The following ASXL3 variants were observed in gnomAD, a reference collection of about 807,000 sequenced individuals.
ASXL3 encodes ASXL transcriptional regulator 3, also known as putative Polycomb group protein ASXL3.
A neutral mutation model predicts 170.6 loss-of-function variants in ASXL3; 34 were observed. The observed-to-expected ratio is 0.20, with a 90% CI of 0.15 to 0.27. ASXL3 has a LOEUF of 0.27. Among genes scored for constraint, ASXL3 ranks in the 10% least tolerant of loss-of-function variants. The pLI is 1.00. For synonymous variants in ASXL3, 1,002 were observed against 989.1 expected, an observed-to-expected ratio of 1.01 and a Z score of -0.24; for missense variants, 2,592 against 2,695.3, an observed-to-expected ratio of 0.96 and a Z score of 0.85.
chr18:33,596,061 A>G (rs1028311842), intron 1 of ASXL3, among the ~76,000 whole-genome samples: 1 of 152,142 alleles, frequency 6.6e-6, no homozygotes, highest in Non-Finnish European at 1.5e-5. Context: ...TTACACACCT[A>G]CATGTGCTAG....
At chr18:33,606,289 CTTG>C (rs2065247627) in intron 1 of ASXL3, among the ~76,000 whole-genome samples, 1 of 151,914 alleles carries the variant, frequency 6.6e-6, no homozygotes, top group Non-Finnish European at 1.5e-5. Flanking sequence ...TTGCCATACC[CTTG>C]TTGTAGTGTG....
chr18:33,602,844 A>G (rs2065198897), intron 1 of ASXL3, among the ~76,000 whole-genome samples: 2 of 152,086 alleles, frequency 1.3e-5, no homozygotes, highest in African/African-American at 4.8e-5. Context: ...CAAATGAAAT[A>G]AAATATGTTG....
rs762337223 is a variant in ASXL3 at position 33,744,076 on chromosome 18, C to T, written c.4228C>T (p.His1410Tyr). Reference sequence around the variant, plus strand: ...AGCGGTCACAGACTCTCTGGTTGCACACCCGACCGTCGCAATGTTTACTGG... The same window carrying T: ...AGCGGTCACAGACTCTCTGGTTGCATACCCGACCGTCGCAATGTTTACTGG... ...SVAVTDSLVA[H>Y]PTVAMFTGNM... Residue 1410 changes from histidine (H) to tyrosine (Y), a missense_variant, in exon 12 of 12, where the codon CAC (histidine) becomes TAC (tyrosine). Physicochemically the swap from His to Tyr is moderately conservative, Grantham distance 83 (BLOSUM62 2). Coordinates refer to ENST00000269197, the MANE Select transcript of ASXL3 (RefSeq NM_030632.3). 5 of 1,613,910 alleles carry T rather than the reference C, an allele frequency of 3.1e-6. No homozygotes were observed. The highest frequency in any genetic ancestry group is 1.7e-5 in the Admixed American group (1 of 59,998).
At position 33,608,100 on chromosome 18, in the gene ASXL3, T is replaced by C. The variant is rs726148; in HGVS notation, c.137+424T>C. Among the ~76,000 whole-genome samples the C allele has an allele frequency of 9.1e-3, 1,391 of 152,088 alleles. 20 individuals carry two copies. Among genetic ancestry groups the C allele is most frequent in the African/African-American group, 0.032 (1,330 of 41,532 alleles). ...TGTGGTTGAAAATCTAGTCCTCTTA[T>C]ATTTAAGAACTCTACTTGGTGCATC... On this transcript the variant is annotated intron_variant, in intron 2 of 11. Coordinates refer to ENST00000269197, the MANE Select transcript of ASXL3 (RefSeq NM_030632.3).
Position 33,738,955 on chromosome 18 carries a change from T to G in ASXL3, c.1551T>G (p.Val517=). The G allele has an allele frequency of 6.2e-7, 1 of 1,613,742 alleles. No homozygotes were observed. The highest frequency in any genetic ancestry group is 8.5e-7 in the Non-Finnish European group (1 of 1,179,804). The part of the protein sequence containing the change: ...DVLETLPHIE[V]KIEGKSESPQ... ...TAGAAACTTTGCCTCATATTGAAGT[T>G]AAGATAGAAGGGAAGTCAGAATCAC... The change falls in exon 11 of 12, where the codon GTT becomes GTG. Residue 517 remains valine, a synonymous_variant. Coordinates refer to ENST00000269197, the MANE Select transcript of ASXL3 (RefSeq NM_030632.3).
At position 33,745,692 on chromosome 18, in the gene ASXL3, A is replaced by G; in HGVS notation, c.5844A>G (p.Leu1948=). Residue 1948 remains leucine (L), a synonymous_variant, in exon 12 of 12, where the codon TTA becomes TTG. Coordinates refer to ENST00000269197, the MANE Select transcript of ASXL3 (RefSeq NM_030632.3). ...GCCCCATTCCTACTGCAGCTCTGTT[A>G]CAGGCCTCTTCCAAGACCCCAGTGG... is the stretch of plus-strand genomic sequence containing the variant. ...ARGPIPTAAL[L]QASSKTPVGC... is the part of the protein sequence containing the mutation. The G allele has an allele frequency of 6.2e-7, 1 of 1,613,998 alleles. No individual in the cohort carries two copies.
rs541272846 is a variant in ASXL3 at position 33,746,239 on chromosome 18, C to G, written c.6391C>G (p.Gln2131Glu). Reference sequence around the variant, plus strand: ...CTCTTCCTATTTGCTTTCTGAGCCACAAAAGCCTTTTACCCAATTAGCTGC... The same window carrying G: ...CTCTTCCTATTTGCTTTCTGAGCCAGAAAAGCCTTTTACCCAATTAGCTGC... ...DFSSYLLSEP[Q>E]KPFTQLAAQK... Residue 2131 changes from glutamine (Q) to glutamate (E), a missense_variant, in exon 12 of 12, where the codon CAA becomes GAA. Gln to Glu is a conservative substitution (Grantham distance 29). Coordinates refer to ENST00000269197, the MANE Select transcript of ASXL3 (RefSeq NM_030632.3). The G allele has an allele frequency of 6.2e-7, 1 of 1,613,936 alleles. No homozygotes were observed. The highest frequency in any genetic ancestry group is 1.1e-5 in the South Asian group (1 of 91,076).
At chr18:33,686,231 G>GCAAGAATGGATCTTGTGGAGGATA (rs2066594682) in intron 8 of ASXL3, among the ~76,000 whole-genome samples, 1 of 152,144 alleles carries the variant, frequency 6.6e-6, no homozygotes, top group Non-Finnish European at 1.5e-5. Flanking sequence ...TGTACTATAC[G>GCAAGAATGGATCTTGTGGAGGATA]CAAGAATGGA....
At chr18:33,657,137 A>G (rs2066096779) in intron 4 of ASXL3, among the ~76,000 whole-genome samples, 1 of 152,066 alleles carries the variant, frequency 6.6e-6, no homozygotes, top group Non-Finnish European at 1.5e-5. Context: ...GGGAGGAGCA[A>G]GTCTACCTCA....
Position 33,744,160 on chromosome 18 carries a change from G to C in ASXL3, c.4312G>C (p.Asp1438His). ...TCCCAAGTTAAGTGCTGAAAGCTTG[G>C]ACAAAAATTCAGGGCCTCGAAACAG... ...SPPKLSAESLDKNSGPRNRAD... is the reference protein window; with the variant it reads ...SPPKLSAESLHKNSGPRNRAD... The change falls in exon 12 of 12, where the codon GAC becomes CAC. Residue 1438 changes from aspartate (D) to histidine (H), a missense_variant. Asp to His is a moderately conservative substitution (Grantham distance 81, BLOSUM62 -1). Around this residue, in one of 4 missense-constraint regions of ASXL3, gnomAD observed 2,246 missense variants for 2,219.6 expected, o/e 1.01. Transcript: ENST00000269197. 6.2e-7 allele frequency: 1 copy of C among 1,613,958 alleles called. No individual in the cohort carries two copies. The highest frequency in any genetic ancestry group is 8.5e-7 in the Non-Finnish European group (1 of 1,179,886).
intron 2 of ASXL3, among the ~76,000 whole-genome samples, chr18:33,634,033 A>G (rs2065728210): frequency 6.6e-6 from 1 of 152,186 alleles, no homozygotes; most frequent in Non-Finnish European, 1.5e-5. Context: ...TCGGGAAGAA[A>G]TCATGGTTGA....
intron 8 of ASXL3, among the ~76,000 whole-genome samples, chr18:33,712,880 G>A (rs750354559): frequency 3.9e-5 from 6 of 152,112 alleles, no homozygotes; most frequent in African/African-American, 7.2e-5. Flanking sequence ...ATCCGTGGGA[G>A]TTTGGCAGTT....
At chr18:33,617,284 G>A (rs1043836919) in intron 2 of ASXL3, among the ~76,000 whole-genome samples, 2 of 152,036 alleles carry the variant, frequency 1.3e-5, no homozygotes, top group South Asian at 2.1e-4. Flanking sequence ...TTAAGGTCAG[G>A]CCTTCAAGAC....
intron 8 of ASXL3, among the ~76,000 whole-genome samples, chr18:33,704,712 G>C (rs1212682460): frequency 6.6e-6 from 1 of 152,004 alleles, no homozygotes; most frequent in Non-Finnish European, 1.5e-5. Flanking sequence ...CTTGCCTAGA[G>C]TAATGTTGTG....
Position 33,706,238 on chromosome 18 carries a change from A to G in ASXL3, c.879+22670A>G, listed in dbSNP as rs114515476. Among the ~76,000 whole-genome samples the G allele has an allele frequency of 4.6e-3, 706 of 151,896 alleles. 8 individuals carry two copies. The highest frequency in any genetic ancestry group is 0.016 in the African/African-American group (672 of 41,544). ...AGGAAAAAGATCAAAGAGCTACCTC[A>G]ACAAGATATCAGGCTACCAATAATC... On this transcript the variant is annotated intron_variant, in intron 8 of 11. Transcript: ENST00000269197.
At chr18:33,714,363 A>G (rs557205868) in intron 8 of ASXL3, among the ~76,000 whole-genome samples, 139 of 152,260 alleles carry the variant, frequency 9.1e-4, no homozygotes, top group African/African-American at 3.0e-3. Context: ...CTACTCATCC[A>G]GCAGCACTTA....
At chr18:33,733,376 C>T (rs778237417) in intron 9 of ASXL3, among the ~76,000 whole-genome samples, 14 of 152,306 alleles carry the variant, frequency 9.2e-5, no homozygotes, top group Admixed American at 2.6e-4. Flanking sequence ...CCTCATAGTT[C>T]CTCAGTTTAA....
chr18:33,593,055 A>T (rs1417757681), intron 1 of ASXL3, among the ~76,000 whole-genome samples: 1 of 152,118 alleles, frequency 6.6e-6, no homozygotes, highest in African/African-American at 2.4e-5. Context: ...TAAACAAGGA[A>T]TTGAATTCCA....
intron 8 of ASXL3, among the ~76,000 whole-genome samples, chr18:33,685,697 G>A (rs758460081): frequency 1.3e-5 from 2 of 152,168 alleles, no homozygotes; most frequent in Admixed American, 6.6e-5. Context: ...TGCTTCTGAT[G>A]AGGGCCTCAG....
Sources: gnomAD v4.1 joint callset for allele counts (sites outside exome capture counted in the v4.1 genomes callset) on GRCh38, gnomAD v4.1.1 for gene constraint, gnomAD v4.1.1 regional missense constraint, MANE v1.5 for transcripts, NCBI Gene and HGNC (gene_info 2026-07-23, HGNC 2026-07-21) for gene names.